Variants in DNAH6 observed in about 807,000 individuals in gnomAD.
DNAH6 encodes the protein dynein axonemal heavy chain 6, also known as axonemal beta dynein heavy chain 6.
A neutral mutation model predicts 491.4 loss-of-function variants in DNAH6; 340 were observed. That is an observed-to-expected ratio of 0.69 (90% confidence interval 0.63 to 0.76). The LOEUF (loss-of-function observed/expected upper bound fraction) is 0.76. DNAH6 is among the 30% of genes least tolerant of loss of function. The pLI is 0.00. For synonymous variants in DNAH6, 1,603 were observed against 1,686.1 expected (o/e 0.95, Z 1.21); for missense variants, 4,443 against 4,972.2 (o/e 0.89, Z 3.20).
chr2:84,707,018 G>T lies in DNAH6; in HGVS notation c.8850G>T (p.Leu2950=). 6.6e-7 allele frequency: 1 copy of T among 1,506,480 alleles called. No individual in the cohort carries two copies. Among genetic ancestry groups the T allele is most frequent in the South Asian group, 1.3e-5 (1 of 75,334 alleles). The allele number at this position is 1,506,480 out of a possible 1,614,324, so 93.3% of individuals were successfully genotyped here. A position where few individuals can be genotyped will look rare whatever the true frequency, so the allele number is the denominator to read the frequency against. The part of the protein sequence containing the change: ...YDKGVNEKES[L]AKTMALTKAR... ...AAGGTGTAAATGAAAAAGAAAGCCT[G>T]GGTAAGTAACTCATAAAATTTACAT... is the stretch of plus-strand genomic sequence containing the variant. Residue 2950 remains leucine (L), a splice_region_variant and synonymous_variant, in exon 53 of 77, where the codon CTG becomes CTT. Transcript: ENST00000389394.
At chr2:84,738,430 A>T (rs533880042) in intron 62 of DNAH6, among the ~76,000 whole-genome samples, 1 of 152,198 alleles carries the variant, frequency 6.6e-6, no homozygotes, top group Admixed American at 6.5e-5. Context: ...ATCAAATGCT[A>T]TCAATGGGGT....
At chr2:84,663,619 G>C (rs1279625064) in intron 37 of DNAH6, among the ~76,000 whole-genome samples, 1 of 152,196 alleles carries the variant, frequency 6.6e-6, no homozygotes, top group Non-Finnish European at 1.5e-5. Context: ...ATCTACGTCT[G>C]ATTGGTGTAC....
At chr2:84,537,067 A>G (rs1009579966) in intron 4 of DNAH6, among the ~76,000 whole-genome samples, 1 of 151,974 alleles carries the variant, frequency 6.6e-6, no homozygotes, top group Non-Finnish European at 1.5e-5. Flanking sequence ...ATAACATTCA[A>G]AGTTTGAGAA....
At chr2:84,626,199 T>A (rs1473740187) in intron 29 of DNAH6, among the ~76,000 whole-genome samples, 1 of 152,160 alleles carries the variant, frequency 6.6e-6, no homozygotes, top group Non-Finnish European at 1.5e-5. Context: ...AACATACATT[T>A]GTTTCTATAT....
In DNAH6 at chr2:84,703,399, G is replaced by A. The variant is rs552599808; in HGVS notation, c.8066G>A (p.Arg2689Gln). The A allele has an allele frequency of 3.0e-4, 457 of 1,500,504 alleles. 5 individuals are homozygous for A. In the South Asian group the frequency reaches 5.1e-3, roughly 17 times the overall value. 92.9% of individuals were successfully genotyped at this position (1,500,504 alleles called of 1,614,324 possible). A position where few individuals can be genotyped will look rare whatever the true frequency, so the allele number is the denominator to read the frequency against. ...SEKRKQIISA[R>Q]DRVKNGLTKL... is the part of the protein sequence containing the mutation. Reference sequence around the variant, plus strand: ...TAAATTTTCATTGTCACTTAGGCACGAGATCGGGTGAAGAATGGTCTCACC... The same window carrying A: ...TAAATTTTCATTGTCACTTAGGCACAAGATCGGGTGAAGAATGGTCTCACC... Residue 2689 changes from arginine (R) to glutamine (Q), a missense_variant, in exon 50 of 77, where the codon CGA becomes CAA. This residue lies in a region of DNAH6 where 2,977 missense variants were observed against 3,296.6 expected (regional missense o/e 0.90). Transcript: ENST00000389394.
chr2:84,542,053 C>T (rs750371934), intron 4 of DNAH6, among the ~76,000 whole-genome samples: 2 of 151,988 alleles, frequency 1.3e-5, no homozygotes, highest in Non-Finnish European at 2.9e-5. Context: ...TGAAGTTCTG[C>T]GATAAGAAGA....
rs1259703257 is a variant in DNAH6, at chr2:84,669,505, G to A, written c.6301G>A (p.Gly2101Ser). ...GTTGTTTACTGGAATAACTGGAGTG[G>A]GCAAGGTAGGAAACTTACATCAAAC... ...SVLFTGITGV[G>S]KSVIAKGLLN... Residue 2101 changes from glycine (G) to serine (S), a missense_variant, in exon 38 of 77, where the codon GGC (glycine) becomes AGC (serine). Physicochemically the swap from Gly to Ser is moderately conservative, Grantham distance 56. Coordinates refer to ENST00000389394, the MANE Select transcript of DNAH6 (RefSeq NM_001370.2). 7.7e-6 allele frequency: 12 copies of A among 1,551,444 alleles called. No homozygotes were observed. Among genetic ancestry groups the A allele is most frequent in the South Asian group, 5.9e-5 (5 of 84,040 alleles).
intron 62 of DNAH6, among the ~76,000 whole-genome samples, chr2:84,743,280 C>T (rs1355423610): frequency 1.3e-5 from 2 of 152,066 alleles, no homozygotes; most frequent in African/African-American, 4.8e-5. Context: ...ACTAAAATTG[C>T]AACAATTTAA....
chr2:84,479,195 T>G, the DNAH6 span, among the ~76,000 whole-genome samples: 1,682 of 152,324 alleles, frequency 0.011, 28 homozygotes, highest in African/African-American at 0.039. Flanking sequence ...AGGATCGGGT[T>G]CAGGGCAGGT....
chr2:84,789,906 G>T (rs972285472), intron 68 of DNAH6, among the ~76,000 whole-genome samples: 1 of 151,934 alleles, frequency 6.6e-6, no homozygotes, highest in African/African-American at 2.4e-5. Flanking sequence ...CATTTTCTTC[G>T]GTTAATATAA....
chr2:84,525,880 CT>C, intron 3 of DNAH6, 142 bp downstream of exon 3: 1 of 670,446 alleles, frequency 1.5e-6, no homozygotes, highest in Non-Finnish European at 2.5e-6. Flanking sequence ...TATAACATTT[CT>C]TCATCCTATT....
chr2:84,486,507 G>A, the DNAH6 span, among the ~76,000 whole-genome samples: 1 of 152,198 alleles, frequency 6.6e-6, no homozygotes, highest in Non-Finnish European at 1.5e-5. Flanking sequence ...TTGGAGAAAG[G>A]TAGGGAAAAC....
At chr2:84,656,801 A>G (rs1389533835) in intron 35 of DNAH6, among the ~76,000 whole-genome samples, 1 of 151,926 alleles carries the variant, frequency 6.6e-6, no homozygotes, top group Non-Finnish European at 1.5e-5. Flanking sequence ...TTCATCTTCT[A>G]TTCTCTTAAC....
intron 62 of DNAH6, among the ~76,000 whole-genome samples, chr2:84,740,578 T>G (rs1325186497): frequency 6.6e-6 from 1 of 152,162 alleles, no homozygotes; most frequent in African/African-American, 2.4e-5. Context: ...GGGTCTTTGG[T>G]GGGCTGCACT....
chr2:84,720,321 C>T (rs1384106329), intron 59 of DNAH6, among the ~76,000 whole-genome samples: 2 of 128,394 alleles, frequency 1.6e-5, no homozygotes, highest in Non-Finnish European at 3.2e-5. Context: ...CTCTGTCGCC[C>T]AGGCTGGAGT....
chr2:84,777,689 C>A, intron 64 of DNAH6: 1 of 816,170 alleles, frequency 1.2e-6, no homozygotes, highest in Non-Finnish European at 2.2e-6. Flanking sequence ...AAGGACCTAC[C>A]CATGACAGCT....
At chr2:84,807,629 A>C (rs1679545754) in intron 71 of DNAH6, among the ~76,000 whole-genome samples, 1 of 152,176 alleles carries the variant, frequency 6.6e-6, no homozygotes, top group South Asian at 2.1e-4. Flanking sequence ...GGGGAGACTT[A>C]GGGTCCCTGG....
At position 84,624,588 on chromosome 2, in the gene DNAH6, G is replaced by C; in HGVS notation, c.4321G>C (p.Ala1441Pro). ...CACTTATGGCTATGAATATTTGGGT[G>C]CATGCCCAAGATTGGTTATTACTCC... ...QYTYGYEYLGACPRLVITPLT... is the reference protein window; with the variant it reads ...QYTYGYEYLGPCPRLVITPLT... Residue 1441 changes from alanine to proline, a missense_variant, in exon 28 of 77, where the codon GCA (alanine) becomes CCA (proline). Ala to Pro is a conservative substitution (Grantham distance 27). Transcript: ENST00000389394. The C allele has an allele frequency of 6.4e-7, 1 of 1,551,502 alleles. No individual in the cohort carries two copies. The highest frequency in any genetic ancestry group is 8.7e-7 in the Non-Finnish European group (1 of 1,146,904).
At chr2:84,705,090 A>C (rs1324015461) in intron 51 of DNAH6, among the ~76,000 whole-genome samples, 1 of 152,196 alleles carries the variant, frequency 6.6e-6, no homozygotes, top group East Asian at 1.9e-4. Flanking sequence ...CAGAAGAACA[A>C]AGTTCAAAGA....
Sources: allele counts gnomAD v4.1 joint callset (sites outside exome capture counted in the v4.1 genomes callset), GRCh38; gene constraint gnomAD v4.1.1; regional missense constraint gnomAD v4.1.1; transcripts MANE v1.5; gene names NCBI Gene and HGNC (gene_info 2026-07-23, HGNC 2026-07-21).